Variants in CADM2 observed in about 807,000 individuals in gnomAD.
CADM2 encodes immunoglobulin superfamily member 4D.
In CADM2, 12 loss-of-function variants were observed where a neutral mutation model predicts 49.8. The observed-to-expected ratio is 0.24, with a 90% CI of 0.15 to 0.39. The LOEUF (loss-of-function observed/expected upper bound fraction) is 0.39, where lower values mean the gene tolerates loss of function less well. CADM2 is among the 10% of genes least tolerant of loss of function. CADM2 has a pLI of 1.00. For missense variants in CADM2, 378 were observed against 492.3 expected (o/e 0.77, Z 2.20); for synonymous variants, 214 against 175.4 (o/e 1.22, Z -1.74).
chr3:85,012,075 T>G (rs2034023739), intron 1 of CADM2, among the ~76,000 whole-genome samples: 1 of 144,784 alleles, frequency 6.9e-6, no homozygotes, highest in African/African-American at 2.5e-5. Context: ...AAGGGCCTGG[T>G]TTTTTTTTTT....
intron 1 of CADM2, among the ~76,000 whole-genome samples, chr3:85,049,348 T>A (rs1279268873): frequency 6.6e-6 from 1 of 151,388 alleles, no homozygotes; most frequent in East Asian, 1.9e-4. Context: ...TATTTATTTA[T>A]TTATTTATTT....
chr3:85,196,714 G>A (rs890734628), intron 1 of CADM2, among the ~76,000 whole-genome samples: 1 of 151,864 alleles, frequency 6.6e-6, no homozygotes, highest in Non-Finnish European at 1.5e-5. Context: ...AGAAGAAATT[G>A]CATCTGGGAA....
intron 8 of CADM2, among the ~76,000 whole-genome samples, chr3:86,050,799 CAAGGTTGCACAGAG>C (rs1444917701): frequency 2.0e-5 from 3 of 152,116 alleles, no homozygotes; most frequent in African/African-American, 7.2e-5. Context: ...AGAAGTGTCC[CAAGGTTGCACAGAG>C]TAGCTGGGCC....
At chr3:85,149,409 G>A (rs543139097) in intron 1 of CADM2, among the ~76,000 whole-genome samples, 1 of 152,132 alleles carries the variant, frequency 6.6e-6, no homozygotes, top group South Asian at 2.1e-4. Flanking sequence ...CAGCAAAAAT[G>A]GACTAAAGCA....
intron 1 of CADM2, among the ~76,000 whole-genome samples, chr3:85,362,468 A>C (rs2032429454): frequency 6.6e-6 from 1 of 152,208 alleles, no homozygotes; most frequent in South Asian, 2.1e-4. Flanking sequence ...CAATAGAGAT[A>C]GGCAGGTGCT....
chr3:85,728,939 TA>T (rs2067820777), intron 2 of CADM2, among the ~76,000 whole-genome samples: 2 of 152,166 alleles, frequency 1.3e-5, no homozygotes, highest in Non-Finnish European at 1.5e-5. Context: ...CTTCTTTTTT[TA>T]AATGTGAGTT....
At chr3:85,963,413 G>A (rs376483480) in intron 8 of CADM2, among the ~76,000 whole-genome samples, 1 of 151,972 alleles carries the variant, frequency 6.6e-6, no homozygotes, top group African/African-American at 2.4e-5. Context: ...TGTCAGGAAG[G>A]TAAGTGAGAT....
intron 1 of CADM2, among the ~76,000 whole-genome samples, chr3:85,185,259 AT>A (rs1380510534): frequency 6.6e-6 from 1 of 151,956 alleles, no homozygotes; most frequent in Non-Finnish European, 1.5e-5. Context: ...CTATATATTG[AT>A]CCAAATAACG....
intron 1 of CADM2, among the ~76,000 whole-genome samples, chr3:85,266,388 T>C (rs1490338065): frequency 6.6e-6 from 1 of 151,812 alleles, no homozygotes; most frequent in East Asian, 1.9e-4. Flanking sequence ...AAAAAATATA[T>C]GGGTTATAGT....
At chr3:85,973,234 G>A (rs568037108) in intron 8 of CADM2, among the ~76,000 whole-genome samples, 13 of 151,792 alleles carry the variant, frequency 8.6e-5, no homozygotes, top group Middle Eastern at 3.4e-3. Flanking sequence ...TAGAACTGTG[G>A]TCCATCCCTG....
At chr3:85,244,423 T>C (rs1399257099) in intron 1 of CADM2, among the ~76,000 whole-genome samples, 1 of 152,208 alleles carries the variant, frequency 6.6e-6, no homozygotes, top group African/African-American at 2.4e-5. Flanking sequence ...TTTATATGTA[T>C]TTGAGAACTT....
intron 1 of CADM2, among the ~76,000 whole-genome samples, chr3:85,239,975 T>C (rs1189759710): frequency 1.3e-5 from 2 of 151,440 alleles, no homozygotes; most frequent in Non-Finnish European, 3.0e-5. Context: ...AAGAATATAT[T>C]CCAGGGAAAG....
intron 1 of CADM2, among the ~76,000 whole-genome samples, chr3:85,377,300 G>A (rs905303234): frequency 5.9e-5 from 9 of 152,154 alleles, no homozygotes; most frequent in South Asian, 2.1e-4. Context: ...CCAAGATAGC[G>A]GAATTAGTGT....
At chr3:85,212,365 C>T (rs1461072357) in intron 1 of CADM2, among the ~76,000 whole-genome samples, 1 of 151,650 alleles carries the variant, frequency 6.6e-6, no homozygotes, top group Non-Finnish European at 1.5e-5. Context: ...TCTTTCCTTC[C>T]TGTCTTTGTC....
chr3:85,577,270 A>G (rs1299726877), intron 1 of CADM2, among the ~76,000 whole-genome samples: 1 of 152,160 alleles, frequency 6.6e-6, no homozygotes, highest in Non-Finnish European at 1.5e-5. Flanking sequence ...CTTAATCCCC[A>G]ATATAACGGG....
intron 1 of CADM2, among the ~76,000 whole-genome samples, chr3:84,972,186 G>A (rs1389929571): frequency 6.6e-6 from 1 of 152,204 alleles, no homozygotes; most frequent in Admixed American, 6.5e-5. Context: ...GCTGTAGACT[G>A]AGTGGTTGGA....
At chr3:85,658,556 T>C (rs2065280494) in intron 1 of CADM2, among the ~76,000 whole-genome samples, 1 of 141,220 alleles carries the variant, frequency 7.1e-6, no homozygotes. Flanking sequence ...AATTCCTCTA[T>C]AAATATATTG....
chr3:85,926,110 C>CT (rs1369632745), intron 6 of CADM2, among the ~76,000 whole-genome samples: 1 of 150,136 alleles, frequency 6.7e-6, no homozygotes, highest in Non-Finnish European at 1.5e-5. Context: ...GCACTCCAGC[C>CT]GGACGACAGA....
chr3:84,999,302 C>T (rs1224257918), intron 1 of CADM2, among the ~76,000 whole-genome samples: 4 of 152,026 alleles, frequency 2.6e-5, no homozygotes, highest in Non-Finnish European at 5.9e-5. Context: ...TTTTGTCAAC[C>T]AATCAATATA....
Sources: gnomAD v4.1 joint callset for allele counts (sites outside exome capture counted in the v4.1 genomes callset) on GRCh38, gnomAD v4.1.1 for gene constraint, MANE v1.5 for transcripts, NCBI Gene and HGNC (gene_info 2026-07-23, HGNC 2026-07-21) for gene names.